CHCHD6: variants seen among roughly 807,000 people sequenced by gnomAD.
CHCHD6 encodes MICOS complex subunit MIC25.
A neutral mutation model predicts 32.3 loss-of-function variants in CHCHD6; 28 were observed. The ratio of observed to expected loss-of-function variants is 0.87; its 90% CI spans 0.64 to 1.19. The LOEUF (loss-of-function observed/expected upper bound fraction) is 1.19, where lower values mean the gene tolerates loss of function less well. Among genes scored for constraint, CHCHD6 ranks in the 50% most tolerant of loss-of-function variants. CHCHD6 has a pLI of 0.00. For missense variants in CHCHD6, 333 were observed against 307.0 expected (o/e 1.08, Z -0.63); for synonymous variants, 122 against 117.5 (o/e 1.04, Z -0.25).
chr3:126,939,652 C>A (rs1049903627), intron 6 of CHCHD6, among the ~76,000 whole-genome samples: 7 of 152,340 alleles, frequency 4.6e-5, no homozygotes, highest in South Asian at 2.1e-4. Flanking sequence ...CTCTCACATA[C>A]CTCGGCAGAC....
chr3:126,828,482 C>A (rs1030813101), intron 4 of CHCHD6, among the ~76,000 whole-genome samples: 1 of 152,160 alleles, frequency 6.6e-6, no homozygotes, highest in Non-Finnish European at 1.5e-5. Flanking sequence ...GGGAGGCTCC[C>A]GGAACTGACG....
intron 2 of CHCHD6, 86 bp downstream of exon 2, chr3:126,727,272 C>A: frequency 1.1e-6 from 1 of 896,982 alleles, no homozygotes; most frequent in Non-Finnish European, 1.8e-6. Context: ...TGATGGCGCA[C>A]AGGGCTCAGG....
At chr3:126,731,098 T>TAAAAAAAA (rs34596059) in intron 3 of CHCHD6, among the ~76,000 whole-genome samples, 1 of 73,982 alleles carries the variant, frequency 1.4e-5, no homozygotes, top group Non-Finnish European at 2.5e-5. Flanking sequence ...ACCCTGTCTC[T>TAAAAAAAA]AAAAAAAAAA....
chr3:126,797,320 C>G (rs936342880), intron 4 of CHCHD6, among the ~76,000 whole-genome samples: 1 of 152,168 alleles, frequency 6.6e-6, no homozygotes, highest in African/African-American at 2.4e-5. Context: ...CATAAATAGA[C>G]CTGCCTAAGA....
At chr3:126,734,227 A>G (rs888422119) in intron 4 of CHCHD6, among the ~76,000 whole-genome samples, 4 of 152,154 alleles carry the variant, frequency 2.6e-5, no homozygotes, top group African/African-American at 4.8e-5. Context: ...GCTCTTTTCT[A>G]GTCACATTAG....
chr3:126,724,991 C>T (rs1384987599), intron 1 of CHCHD6, among the ~76,000 whole-genome samples: 1 of 152,220 alleles, frequency 6.6e-6, no homozygotes, highest in Non-Finnish European at 1.5e-5. Context: ...TCTTGAACCC[C>T]TCAGAGTCAT....
intron 6 of CHCHD6, among the ~76,000 whole-genome samples, chr3:126,941,687 C>T (rs1173442410): frequency 6.6e-6 from 1 of 152,234 alleles, no homozygotes; most frequent in Non-Finnish European, 1.5e-5. Flanking sequence ...AGGATTCCTG[C>T]ATCTCCTTAA....
intron 1 of CHCHD6, among the ~76,000 whole-genome samples, chr3:126,711,673 G>A (rs762159372): frequency 3.3e-5 from 5 of 152,122 alleles, no homozygotes; most frequent in East Asian, 3.9e-4. Context: ...ATCTCCATGC[G>A]CCCATTTAGC....
chr3:126,782,166 T>C (rs1937976193), intron 4 of CHCHD6, among the ~76,000 whole-genome samples: 1 of 152,224 alleles, frequency 6.6e-6, no homozygotes, highest in African/African-American at 2.4e-5. Context: ...TTGCCCTTTC[T>C]AAATTGTAAT....
At chr3:126,868,957 A>G (rs2107566061) in intron 5 of CHCHD6, among the ~76,000 whole-genome samples, 1 of 152,308 alleles carries the variant, frequency 6.6e-6, no homozygotes, top group Non-Finnish European at 1.5e-5. Context: ...CACCGGTGGC[A>G]TGTAACAGTG....
At chr3:126,787,927 GT>G (rs1938307408) in intron 4 of CHCHD6, among the ~76,000 whole-genome samples, 1 of 152,132 alleles carries the variant, frequency 6.6e-6, no homozygotes, top group Non-Finnish European at 1.5e-5. Context: ...AATGCTTCCA[GT>G]TTTTGCCCAT....
chr3:126,946,299 G>A (rs2078637921), intron 6 of CHCHD6, among the ~76,000 whole-genome samples: 1 of 152,212 alleles, frequency 6.6e-6, no homozygotes, highest in Non-Finnish European at 1.5e-5. Context: ...TAGTGAATGA[G>A]GGTGCATCTC....
chr3:126,910,764 T>C (rs2078078128), intron 5 of CHCHD6, among the ~76,000 whole-genome samples: 1 of 152,168 alleles, frequency 6.6e-6, no homozygotes, highest in Non-Finnish European at 1.5e-5. Flanking sequence ...TACTAAGTGC[T>C]GGTCAGCTGG....
intron 4 of CHCHD6, among the ~76,000 whole-genome samples, chr3:126,781,677 G>C (rs1251363222): frequency 6.6e-6 from 1 of 152,244 alleles, no homozygotes. Flanking sequence ...TTCAGAGCCA[G>C]ATGCCAGTGT....
At chr3:126,911,182 A>G (rs1238377449) in intron 5 of CHCHD6, among the ~76,000 whole-genome samples, 1 of 152,128 alleles carries the variant, frequency 6.6e-6, no homozygotes, top group African/African-American at 2.4e-5. Context: ...CTGGCTGAGT[A>G]CCCCATTGTA....
chr3:126,713,422 C>A (rs1389250797), intron 1 of CHCHD6, among the ~76,000 whole-genome samples: 1 of 152,196 alleles, frequency 6.6e-6, no homozygotes, highest in African/African-American at 2.4e-5. Context: ...GCCTGGCTCA[C>A]AAGGTCCTTC....
intron 6 of CHCHD6, among the ~76,000 whole-genome samples, chr3:126,931,784 A>G (rs7638306): frequency 0.58 from 87,736 of 152,038 alleles, 26,699 homozygotes; most frequent in Non-Finnish European, 0.68. Context: ...GTTTACTCCA[A>G]AATACCAGCT....
chr3:126,706,777 C>T (rs1429275607), intron 1 of CHCHD6, among the ~76,000 whole-genome samples: 1 of 152,116 alleles, frequency 6.6e-6, no homozygotes, highest in Non-Finnish European at 1.5e-5. Flanking sequence ...TTCACCTTGT[C>T]TTTAGGCAAG....
At chr3:126,913,521 G>A (rs1347637320) in intron 5 of CHCHD6, among the ~76,000 whole-genome samples, 1 of 152,130 alleles carries the variant, frequency 6.6e-6, no homozygotes, top group Non-Finnish European at 1.5e-5. Flanking sequence ...GCTTTGAGGA[G>A]TAGATGTGGT....
Sources: allele counts gnomAD v4.1 joint callset (sites outside exome capture counted in the v4.1 genomes callset), GRCh38; gene constraint gnomAD v4.1.1; transcripts MANE v1.5; gene names NCBI Gene and HGNC (gene_info 2026-07-23, HGNC 2026-07-21).